Variants in CHST11 observed in about 807,000 individuals in gnomAD.
CHST11 encodes the protein C4S-1.
In CHST11, 9 loss-of-function variants were observed where a neutral mutation model predicts 30.4. That is an observed-to-expected ratio of 0.30 (90% CI 0.18 to 0.52). The LOEUF is 0.52. Ranked by LOEUF, CHST11 falls within the 20% of genes least tolerant of loss-of-function variation. The probability of loss-of-function intolerance (pLI) is 0.97; values close to 1 mark genes in which losing one functional copy is unlikely to be tolerated. For synonymous variants in CHST11, 152 were observed against 187.8 expected (o/e 0.81, Z 1.56); for missense variants, 348 against 460.6 (o/e 0.76, Z 2.24).
rs1276651545 is a variant in CHST11 at position 104,576,418 on chromosome 12, C to T, written c.119-25488C>T. 7.9e-5 allele frequency among the ~76,000 whole-genome samples: 12 copies of T among 152,226 alleles called. No individual in the cohort carries two copies. In the South Asian group the frequency reaches 2.5e-3, roughly 32 times the overall value. On this transcript the variant is annotated intron_variant, in intron 1 of 2. Coordinates refer to ENST00000303694, the MANE Select transcript of CHST11 (RefSeq NM_018413.6). ...GTGATGCAAAATGTGTGGTGGAGGG[C>T]TGGGCCTGGAATCTGGGAGTTCTGG...
At chr12:104,560,838 T>C (rs1214686197) in intron 1 of CHST11, among the ~76,000 whole-genome samples, 1 of 152,184 alleles carries the variant, frequency 6.6e-6, no homozygotes, top group Non-Finnish European at 1.5e-5. Context: ...GCATTCTGGG[T>C]CTCTTGGAAT....
At chr12:104,751,788 T>C (rs1404551001) in intron 2 of CHST11, among the ~76,000 whole-genome samples, 2 of 152,218 alleles carry the variant, frequency 1.3e-5, no homozygotes, top group African/African-American at 4.8e-5. Flanking sequence ...ATTTTGCAAA[T>C]AGAGGAACTG....
At chr12:104,637,545 G>A (rs1315130850) in intron 2 of CHST11, among the ~76,000 whole-genome samples, 1 of 152,084 alleles carries the variant, frequency 6.6e-6, no homozygotes, top group African/African-American at 2.4e-5. Flanking sequence ...CCTGTATCCA[G>A]ATTAAAATCT....
intron 1 of CHST11, among the ~76,000 whole-genome samples, chr12:104,557,428 G>A (rs1291968379): frequency 6.6e-6 from 1 of 152,160 alleles, no homozygotes; most frequent in Non-Finnish European, 1.5e-5. Context: ...AGCTGAAGTG[G>A]AGGTGTGTAT....
chr12:104,627,010 C>A (rs2039222185), intron 2 of CHST11, among the ~76,000 whole-genome samples: 1 of 152,004 alleles, frequency 6.6e-6, no homozygotes, highest in Non-Finnish European at 1.5e-5. Context: ...ATCCCTCCCT[C>A]CCCCCAAGCA....
chr12:104,546,397 G>A (rs894728990), intron 1 of CHST11, among the ~76,000 whole-genome samples: 1 of 150,472 alleles, frequency 6.6e-6, no homozygotes, highest in Non-Finnish European at 1.5e-5. Context: ...GAGCCCAGGA[G>A]CTCAAGGTTG....
chr12:104,615,074 G>T (rs1270463883), intron 2 of CHST11, among the ~76,000 whole-genome samples: 2 of 152,226 alleles, frequency 1.3e-5, no homozygotes, highest in Admixed American at 1.3e-4. Flanking sequence ...ACACTTGACA[G>T]ATTGGGCCTG....
intron 2 of CHST11, among the ~76,000 whole-genome samples, chr12:104,671,250 C>T (rs942546918): frequency 3.3e-5 from 5 of 152,152 alleles, no homozygotes; most frequent in East Asian, 1.9e-4. Context: ...CTTCTTGCTG[C>T]GCCCGTGATC....
At chr12:104,479,621 G>A (rs2037598911) in intron 1 of CHST11, among the ~76,000 whole-genome samples, 1 of 152,186 alleles carries the variant, frequency 6.6e-6, no homozygotes, top group Non-Finnish European at 1.5e-5. Context: ...TAACAACCAA[G>A]AGAGGCAAGA....
intron 1 of CHST11, among the ~76,000 whole-genome samples, chr12:104,504,479 G>GCA (rs2037883689): frequency 1.3e-5 from 2 of 152,192 alleles, no homozygotes; most frequent in Admixed American, 6.5e-5. Flanking sequence ...GGCTGCCCTG[G>GCA]GAGTCTGAGG....
At chr12:104,609,890 GAAT>G (rs970353275) in intron 2 of CHST11, among the ~76,000 whole-genome samples, 1 of 152,126 alleles carries the variant, frequency 6.6e-6, no homozygotes, top group African/African-American at 2.4e-5. Context: ...GAATTTTGTT[GAAT>G]AATAATAAGA....
intron 1 of CHST11, among the ~76,000 whole-genome samples, chr12:104,513,273 T>C (rs10778339): frequency 0.26 from 39,039 of 151,836 alleles, 6,231 homozygotes; most frequent in African/African-American, 0.45. Flanking sequence ...GTTGCAATAA[T>C]TTCAGAGACA....
chr12:104,628,853 T>C (rs1170760557), intron 2 of CHST11, among the ~76,000 whole-genome samples: 1 of 152,208 alleles, frequency 6.6e-6, no homozygotes, highest in Non-Finnish European at 1.5e-5. Context: ...TTATTGTAAT[T>C]ATTTTATGAC....
At chr12:104,514,449 G>T in intron 1 of CHST11, 1 of 820,376 alleles carries the variant, frequency 1.2e-6, no homozygotes, top group East Asian at 2.5e-5. Flanking sequence ...AGACTCTGTG[G>T]GGGTCACCTG....
intron 1 of CHST11, among the ~76,000 whole-genome samples, chr12:104,571,294 G>A (rs1295394759): frequency 2.0e-5 from 3 of 151,876 alleles, no homozygotes; most frequent in African/African-American, 7.3e-5. Flanking sequence ...CTCCCAAGTA[G>A]CCGGGATTAC....
At chr12:104,735,458 C>G (rs1021051068) in intron 2 of CHST11, among the ~76,000 whole-genome samples, 1 of 152,188 alleles carries the variant, frequency 6.6e-6, no homozygotes, top group Admixed American at 6.5e-5. Flanking sequence ...GAGCCTAGAT[C>G]ACTGGCGGAG....
intron 1 of CHST11, among the ~76,000 whole-genome samples, chr12:104,599,757 C>G (rs1037272456): frequency 6.6e-6 from 1 of 152,154 alleles, no homozygotes; most frequent in Non-Finnish European, 1.5e-5. Context: ...CTACTGACCC[C>G]GAGAAGACCT....
chr12:104,666,107 C>T (rs370740495), intron 2 of CHST11, among the ~76,000 whole-genome samples: 9 of 152,168 alleles, frequency 5.9e-5, no homozygotes, highest in South Asian at 4.2e-4. Flanking sequence ...TGTGAGCCAC[C>T]GCACCCGGCC....
intron 1 of CHST11, among the ~76,000 whole-genome samples, chr12:104,507,098 G>C (rs2037914636): frequency 6.6e-6 from 1 of 152,194 alleles, no homozygotes. Flanking sequence ...TCTTTGGAGG[G>C]AAGGGTCTGA....
Sources: allele counts gnomAD v4.1 joint callset (sites outside exome capture counted in the v4.1 genomes callset), GRCh38; gene constraint gnomAD v4.1.1; transcripts MANE v1.5; gene names NCBI Gene and HGNC (gene_info 2026-07-23, HGNC 2026-07-21).